The following MAGEA11 variants were observed in gnomAD, a reference collection of about 807,000 sequenced individuals.
MAGEA11 encodes the protein melanoma-associated antigen 11.
A neutral mutation model predicts 8.4 loss-of-function variants in MAGEA11; 1 was observed. The ratio of observed to expected loss-of-function variants is 0.12; its 90% CI spans 0.04 to 0.57. MAGEA11 has a LOEUF of 0.57. Ranked by LOEUF, MAGEA11 falls within the 20% of genes least tolerant of loss-of-function variation. The pLI is 0.91. For synonymous variants in MAGEA11, 127 were observed against 119.3 expected (o/e 1.06, Z -0.42); for missense variants, 209 against 317.3 (o/e 0.66, Z 2.59).
At chrX:149,697,716 C>T (rs782378540) in intron 1 of MAGEA11, among the ~76,000 whole-genome samples, 3 of 111,405 alleles carry the variant, frequency 2.7e-5, no homozygotes, top group African/African-American at 9.8e-5. Flanking sequence ...TGTGCAATCT[C>T]AAAACTTGGT....
chrX:149,714,212 C>T, intron 2 of MAGEA11: 4 of 344,323 alleles, frequency 1.2e-5, no homozygotes. Flanking sequence ...ACGGGTGGCC[C>T]CAAGTGGCAA....
intron 1 of MAGEA11, among the ~76,000 whole-genome samples, chrX:149,692,232 C>T (rs1557360198): frequency 9.0e-6 from 1 of 111,429 alleles, no homozygotes; most frequent in African/African-American, 3.3e-5. Context: ...CCTGGCAAAA[C>T]CTCATCTCTA....
Position 149,714,407 on chromosome X carries a change from G to C in MAGEA11, c.97-74G>C, listed in dbSNP as rs1410235957. 8.6e-6 allele frequency: 10 copies of C among 1,168,895 alleles called. No homozygotes were observed. In the East Asian group the frequency reaches 2.8e-4, roughly 32 times the overall value. On this transcript the variant is annotated intron_variant, in intron 2 of 4. Coordinates refer to ENST00000355220, the MANE Select transcript of MAGEA11 (RefSeq NM_005366.5). ...AGAACCGAAGGGTCCAGCCTCTGCT[G>C]TCAGCCCTGGACAACCACATGATGG...
At chrX:149,701,976 A>T (rs782552349) in intron 1 of MAGEA11, among the ~76,000 whole-genome samples, 1 of 112,037 alleles carries the variant, frequency 8.9e-6, no homozygotes, top group South Asian at 3.7e-4. Flanking sequence ...GTAGCCTTGT[A>T]GTATAGTTTG....
intron 1 of MAGEA11, among the ~76,000 whole-genome samples, chrX:149,694,970 C>T (rs959289649): frequency 9.0e-5 from 10 of 111,680 alleles, no homozygotes; most frequent in African/African-American, 3.3e-4. Flanking sequence ...ATCTGCCCAC[C>T]TTGGATTTCC....
At position 149,715,610 on chromosome X, in the gene MAGEA11, A is replaced by G. The variant is rs782239173; in HGVS notation, c.199A>G (p.Arg67Gly). ...TTCTCACTTCCTTTTTCAGGTTTTTAGAGAACAGGCCAACCTGGAGGACAG... is the reference window on the plus strand; with the variant it reads ...TTCTCACTTCCTTTTTCAGGTTTTTGGAGAACAGGCCAACCTGGAGGACAG... ...SQDLPRVQVF[R>G]EQANLEDRSP... is the part of the protein sequence containing the mutation. Residue 67 changes from arginine to glycine, a missense_variant, in exon 4 of 5, where the codon AGA becomes GGA. This residue lies in a region of MAGEA11 where 131 missense variants were observed against 138.5 expected (regional missense o/e 0.95). Transcript: ENST00000355220. 2.5e-6 allele frequency: 3 copies of G among 1,204,882 alleles called. No homozygotes were observed. The South Asian group carries it at 5.3e-5, about 21-fold the overall frequency.
In MAGEA11 at chrX:149,699,561, TTA is replaced by T. The variant is rs782625270; in HGVS notation, c.9+10580_9+10581del. Among the ~76,000 whole-genome samples, 661 of 111,595 alleles carry T rather than the reference TTA, an allele frequency of 5.9e-3. 6 individuals are homozygous for T. Among genetic ancestry groups the T allele is most frequent in the African/African-American group, 0.021 (648 of 30,694 alleles). On this transcript the variant is annotated intron_variant, in intron 1 of 3. Coordinates refer to the MAGEA11 transcript ENST00000333104. The stretch of plus-strand genomic sequence containing the variant: ...AACAAAGTATTTATTGAGGGGTATT[TTA>T]TAGTCTCTGATTGGGTTACCCATGC...
intron 1 of MAGEA11, among the ~76,000 whole-genome samples, chrX:149,697,955 T>A (rs1230484169): frequency 1.8e-5 from 2 of 112,009 alleles, no homozygotes; most frequent in Non-Finnish European, 3.8e-5. Flanking sequence ...ACGGACATGT[T>A]TGCTTCCCCT....
At chrX:149,698,626 G>A (rs782465388) in intron 1 of MAGEA11, among the ~76,000 whole-genome samples, 2 of 111,773 alleles carry the variant, frequency 1.8e-5, no homozygotes, top group South Asian at 7.7e-4. Flanking sequence ...ATTGTCTTGT[G>A]AGACAATATA....
chrX:149,710,453 G>T (rs1021035600), upstream of MAGEA11, among the ~76,000 whole-genome samples: 1 of 110,978 alleles, frequency 9.0e-6, no homozygotes, highest in Non-Finnish European at 1.9e-5. Context: ...TGTTTGGTTT[G>T]GTTTTGTTTT....
chrX:149,715,554 G>T (rs376219191), intron 3 of MAGEA11, 50 bp from the exon 4 acceptor site: 1 of 955,783 alleles, frequency 1.0e-6, no homozygotes, highest in Admixed American at 2.2e-5. Flanking sequence ...GGAGCCTCCT[G>T]CTCTGATGTC....
intron 2 of MAGEA11, chrX:149,713,604 G>T: frequency 6.4e-6 from 1 of 156,336 alleles, no homozygotes; most frequent in Admixed American, 8.4e-5. Flanking sequence ...GAGTAAATCT[G>T]AATACCTGGA....
chrX:149,705,258 G>A (rs2090372098), intron 1 of MAGEA11, among the ~76,000 whole-genome samples: 1 of 111,707 alleles, frequency 9.0e-6, no homozygotes, highest in South Asian at 3.8e-4. Context: ...TCGTGAGAGG[G>A]ACACGGTTTG....
At chrX:149,708,399 C>A (rs940799686), upstream of MAGEA11, among the ~76,000 whole-genome samples, 3 of 111,604 alleles carry the variant, frequency 2.7e-5, no homozygotes, top group Non-Finnish European at 5.6e-5. Flanking sequence ...ACCCATGTAA[C>A]AAAGTTGCAC....
At chrX:149,711,431 G>GC (rs1164200285), upstream of MAGEA11, among the ~76,000 whole-genome samples, 4 of 111,944 alleles carry the variant, frequency 3.6e-5, no homozygotes, top group Non-Finnish European at 1.9e-5. Flanking sequence ...CTGGGGAGGA[G>GC]CCCCCGTAGG....
At chrX:149,709,293 A>T (rs1225776428), upstream of MAGEA11, among the ~76,000 whole-genome samples, 1 of 111,036 alleles carries the variant, frequency 9.0e-6, no homozygotes, top group Non-Finnish European at 1.9e-5. Context: ...TCGAAAAAAA[A>T]AAAAAAAGAT....
chrX:149,709,747 A>G (rs2090391663), upstream of MAGEA11, among the ~76,000 whole-genome samples: 2 of 112,412 alleles, frequency 1.8e-5, no homozygotes, highest in African/African-American at 6.5e-5. Context: ...ATATGATCAT[A>G]TTAATGGATA....
intron 1 of MAGEA11, among the ~76,000 whole-genome samples, chrX:149,712,437 C>G (rs1356999009): frequency 1.8e-5 from 2 of 112,216 alleles, no homozygotes; most frequent in Non-Finnish European, 3.8e-5. Context: ...ATAGAGGGGC[C>G]ACAAAGTCCA....
intron 1 of MAGEA11, among the ~76,000 whole-genome samples, chrX:149,696,519 A>T (rs1228283219): frequency 1.8e-5 from 2 of 111,103 alleles, no homozygotes; most frequent in African/African-American, 6.6e-5. Flanking sequence ...ACTGTGATGT[A>T]CTTTCCTGAG....
Sources: allele counts gnomAD v4.1 joint callset (sites outside exome capture counted in the v4.1 genomes callset), GRCh38; gene constraint gnomAD v4.1.1; regional missense constraint gnomAD v4.1.1; transcripts MANE v1.5; gene names NCBI Gene and HGNC (gene_info 2026-07-23, HGNC 2026-07-21).